The following LHFPL6 variants were observed in gnomAD, a reference collection of about 807,000 sequenced individuals.
LHFPL6 encodes the protein LHFPL tetraspan subfamily member 6 protein.
LHFPL6 carries 9 observed loss-of-function variants against 20.6 expected under a neutral mutation model. The ratio of observed to expected loss-of-function variants is 0.44; its 90% CI spans 0.26 to 0.76. LHFPL6 has a LOEUF of 0.76. Among genes scored for constraint, LHFPL6 ranks in the 30% least tolerant of loss-of-function variants. The probability of loss-of-function intolerance (pLI) is 0.20; values close to 1 mark genes in which losing one functional copy is unlikely to be tolerated. For synonymous variants in LHFPL6, 105 were observed against 98.7 expected, an observed-to-expected ratio of 1.06 and a Z score of -0.38; for missense variants, 218 against 253.5, an observed-to-expected ratio of 0.86 and a Z score of 0.95.
At chr13:39,554,056 T>C (rs1349077692) in intron 2 of LHFPL6, among the ~76,000 whole-genome samples, 1 of 152,256 alleles carries the variant, frequency 6.6e-6, no homozygotes, top group Non-Finnish European at 1.5e-5. Flanking sequence ...CTTTCAAAGT[T>C]GCTCCTTGGA....
chr13:39,502,410 G>C (rs1869322193), intron 2 of LHFPL6, among the ~76,000 whole-genome samples: 1 of 151,592 alleles, frequency 6.6e-6, no homozygotes, highest in Admixed American at 6.6e-5. Context: ...CTTGAGCCCA[G>C]GAGTTCGAGA....
At chr13:39,357,240 C>G (rs1029950447) in intron 3 of LHFPL6, among the ~76,000 whole-genome samples, 6 of 152,068 alleles carry the variant, frequency 3.9e-5, no homozygotes, top group Non-Finnish European at 8.8e-5. Flanking sequence ...AAGCCTTGTA[C>G]CAAATGGATG....
intron 2 of LHFPL6, among the ~76,000 whole-genome samples, chr13:39,558,940 A>G (rs957892186): frequency 6.6e-6 from 1 of 152,212 alleles, no homozygotes; most frequent in Non-Finnish European, 1.5e-5. Context: ...ATTCTTGTTC[A>G]TTTCATGAAA....
intron 2 of LHFPL6, among the ~76,000 whole-genome samples, chr13:39,383,123 G>A (rs1039065377): frequency 7.2e-5 from 11 of 152,126 alleles, no homozygotes; most frequent in African/African-American, 1.4e-4. Flanking sequence ...AAGCTGGCAC[G>A]AAAAAGAGTC....
intron 2 of LHFPL6, among the ~76,000 whole-genome samples, chr13:39,588,424 G>A (rs993064911): frequency 1.3e-5 from 2 of 152,208 alleles, no homozygotes; most frequent in East Asian, 3.8e-4. Context: ...AATTCAAAGA[G>A]ATGTTAATGC....
chr13:39,566,816 C>A (rs962592795), intron 2 of LHFPL6, among the ~76,000 whole-genome samples: 2 of 151,546 alleles, frequency 1.3e-5, no homozygotes, highest in African/African-American at 4.9e-5. Context: ...TGGCGGAACT[C>A]CTCTAAAACC....
At chr13:39,585,935 G>A (rs940434820) in intron 2 of LHFPL6, among the ~76,000 whole-genome samples, 1 of 151,946 alleles carries the variant, frequency 6.6e-6, no homozygotes, top group African/African-American at 2.4e-5. Flanking sequence ...ATAAAATTTA[G>A]GACATTTTAA....
At chr13:39,549,659 A>G (rs1439895012) in intron 2 of LHFPL6, among the ~76,000 whole-genome samples, 3 of 152,108 alleles carry the variant, frequency 2.0e-5, no homozygotes, top group Admixed American at 2.0e-4. Context: ...TCTTAATCCT[A>G]GTCATTTACC....
chr13:39,467,609 A>C (rs1872837398), intron 2 of LHFPL6, among the ~76,000 whole-genome samples: 1 of 152,206 alleles, frequency 6.6e-6, no homozygotes, highest in Non-Finnish European at 1.5e-5. Context: ...TGAGAAATGC[A>C]ATTAGCTTTG....
chr13:39,530,451 G>A (rs1870430912), intron 2 of LHFPL6, among the ~76,000 whole-genome samples: 1 of 151,846 alleles, frequency 6.6e-6, no homozygotes, highest in Non-Finnish European at 1.5e-5. Context: ...AATTCCACTG[G>A]GTATGAGGAG....
chr13:39,571,308 A>T (rs1335627297), intron 2 of LHFPL6, among the ~76,000 whole-genome samples: 1 of 152,108 alleles, frequency 6.6e-6, no homozygotes, highest in Non-Finnish European at 1.5e-5. Context: ...CCTCTTATTG[A>T]TCCCCACCCT....
intron 2 of LHFPL6, among the ~76,000 whole-genome samples, chr13:39,388,329 C>T (rs1016035296): frequency 8.5e-5 from 13 of 152,168 alleles, no homozygotes; most frequent in African/African-American, 2.9e-4. Context: ...TGCTCCTTAG[C>T]TCAGAGCAAA....
intron 3 of LHFPL6, among the ~76,000 whole-genome samples, chr13:39,378,030 A>G (rs923325078): frequency 6.6e-6 from 1 of 152,240 alleles, no homozygotes; most frequent in African/African-American, 2.4e-5. Flanking sequence ...CAACGATGTG[A>G]AATTGCTTTG....
At chr13:39,522,721 T>C (rs1220381438) in intron 2 of LHFPL6, among the ~76,000 whole-genome samples, 1 of 152,248 alleles carries the variant, frequency 6.6e-6, no homozygotes, top group African/African-American at 2.4e-5. Flanking sequence ...CATAATGATC[T>C]GTATATTTGT....
intron 2 of LHFPL6, among the ~76,000 whole-genome samples, chr13:39,573,928 C>T (rs943808995): frequency 1.3e-5 from 2 of 152,070 alleles, no homozygotes; most frequent in Admixed American, 6.6e-5. Flanking sequence ...GGTTTACATA[C>T]GGGTCCAAGG....
At chr13:39,386,712 A>AAC (rs1870572203) in intron 2 of LHFPL6, among the ~76,000 whole-genome samples, 1 of 152,248 alleles carries the variant, frequency 6.6e-6, no homozygotes, top group Admixed American at 6.5e-5. Context: ...AACATATGTC[A>AAC]ACACAGAGCC....
chr13:39,447,768 C>T (rs1236795172), intron 2 of LHFPL6, among the ~76,000 whole-genome samples: 2 of 152,128 alleles, frequency 1.3e-5, no homozygotes, highest in African/African-American at 2.4e-5. Context: ...GATCCATCCC[C>T]GACCTAGTAT....
chr13:39,373,736 A>G (rs1870218197), intron 3 of LHFPL6, among the ~76,000 whole-genome samples: 1 of 152,184 alleles, frequency 6.6e-6, no homozygotes, highest in Non-Finnish European at 1.5e-5. Flanking sequence ...TGCTTTTGTA[A>G]ATAAAGTTTA....
intron 2 of LHFPL6, among the ~76,000 whole-genome samples, chr13:39,463,410 A>G (rs1872731034): frequency 6.9e-6 from 1 of 144,394 alleles, no homozygotes; most frequent in South Asian, 2.2e-4. Context: ...TATAATTATT[A>G]AAAACTGATC....
Sources: gnomAD v4.1 joint callset for allele counts (sites outside exome capture counted in the v4.1 genomes callset) on GRCh38, gnomAD v4.1.1 for gene constraint, MANE v1.5 for transcripts, NCBI Gene and HGNC (gene_info 2026-07-23, HGNC 2026-07-21) for gene names.